AFF3: variants seen among roughly 807,000 people sequenced by gnomAD.
AFF3 encodes AF4/FMR2 family member 3.
A neutral mutation model predicts 129.7 loss-of-function variants in AFF3; 32 were observed. The ratio of observed to expected loss-of-function variants is 0.25; its 90% CI spans 0.19 to 0.33. AFF3 has a LOEUF of 0.33. AFF3 is among the 10% of genes least tolerant of loss of function. The pLI, the probability that AFF3 is intolerant of heterozygous loss-of-function variation, is 1.00. For missense variants in AFF3, 1,373 were observed against 1,592.0 expected (o/e 0.86, Z 2.34); for synonymous variants, 644 against 635.4 (o/e 1.01, Z -0.20).
chr2:99,953,570 T>C (rs1361579817), intron 7 of AFF3, among the ~76,000 whole-genome samples: 1 of 152,344 alleles, frequency 6.6e-6, no homozygotes, highest in South Asian at 2.1e-4. Flanking sequence ...GGATCGGTAA[T>C]AGCTATAACT....
At chr2:99,884,425 C>A (rs6753453) in intron 7 of AFF3, among the ~76,000 whole-genome samples, 72,338 of 151,984 alleles carry the variant, frequency 0.48, 17,618 homozygotes, top group African/African-American at 0.56. Context: ...TTGAGACAGA[C>A]TCTCACCCTG....
intron 8 of AFF3, among the ~76,000 whole-genome samples, chr2:99,766,711 T>C (rs376843552): frequency 5.3e-5 from 8 of 152,156 alleles, no homozygotes; most frequent in African/African-American, 7.2e-5. Flanking sequence ...TTGAAGAAAA[T>C]AGAGTTTTCT....
At chr2:99,591,039 C>G (rs559438953) in intron 15 of AFF3, among the ~76,000 whole-genome samples, 1 of 151,540 alleles carries the variant, frequency 6.6e-6, no homozygotes, top group Non-Finnish European at 1.5e-5. Context: ...GCATCCATAC[C>G]AAGGAAAAGC....
chr2:99,855,329 T>C (rs766062686), intron 7 of AFF3, among the ~76,000 whole-genome samples: 27 of 152,164 alleles, frequency 1.8e-4, no homozygotes, highest in Admixed American at 1.3e-4. Context: ...TTATGTCTTA[T>C]AAAGCTGTTA....
At chr2:99,710,786 G>A (rs1322952745) in intron 11 of AFF3, among the ~76,000 whole-genome samples, 2 of 152,074 alleles carry the variant, frequency 1.3e-5, no homozygotes, top group Non-Finnish European at 2.9e-5. Flanking sequence ...AATTCTCTGC[G>A]GTAGAACCTT....
chr2:99,622,768 C>T (rs570826256), intron 13 of AFF3, among the ~76,000 whole-genome samples: 2 of 152,348 alleles, frequency 1.3e-5, no homozygotes, highest in Non-Finnish European at 1.5e-5. Flanking sequence ...GCAGGCCTGC[C>T]GGGCTGCAGC....
intron 4 of AFF3, among the ~76,000 whole-genome samples, chr2:100,090,547 A>C (rs1329375720): frequency 6.6e-6 from 1 of 152,218 alleles, no homozygotes; most frequent in Non-Finnish European, 1.5e-5. Context: ...CTAGTCTAAA[A>C]TCTGTAATAG....
intron 8 of AFF3, among the ~76,000 whole-genome samples, chr2:99,817,613 C>T (rs554980919): frequency 6.6e-6 from 1 of 152,244 alleles, no homozygotes; most frequent in African/African-American, 2.4e-5. Context: ...CTTTGAACTC[C>T]TAGGTTCAAG....
chr2:99,993,283 C>T (rs1245689819), intron 7 of AFF3, among the ~76,000 whole-genome samples: 3 of 151,916 alleles, frequency 2.0e-5, no homozygotes, highest in Non-Finnish European at 4.4e-5. Context: ...TGAAAAATGC[C>T]GCCTTAAAAG....
chr2:99,973,804 T>C (rs565448396), intron 7 of AFF3, among the ~76,000 whole-genome samples: 2 of 152,282 alleles, frequency 1.3e-5, no homozygotes, highest in East Asian at 3.9e-4. Flanking sequence ...TGGGCCTGCT[T>C]GTTCGCTGTC....
intron 8 of AFF3, among the ~76,000 whole-genome samples, chr2:99,761,185 CTTTT>C (rs113789471): frequency 7.2e-6 from 1 of 138,316 alleles, no homozygotes; most frequent in African/African-American, 2.6e-5. Context: ...CAGGTGACTT[CTTTT>C]TTTTTTTTTT....
intron 7 of AFF3, among the ~76,000 whole-genome samples, chr2:99,915,113 CTCT>C (rs1487070761): frequency 6.6e-6 from 1 of 152,016 alleles, no homozygotes; most frequent in East Asian, 1.9e-4. Flanking sequence ...AATTCTTTGA[CTCT>C]TCTTATTATA....
intron 7 of AFF3, among the ~76,000 whole-genome samples, chr2:99,959,804 C>T (rs1677051724): frequency 6.6e-6 from 1 of 151,404 alleles, no homozygotes; most frequent in South Asian, 2.1e-4. Context: ...CCCGCTCTTG[C>T]TAAATCCATG....
At chr2:100,121,130 C>G (rs918107366) in intron 2 of AFF3, among the ~76,000 whole-genome samples, 2 of 152,198 alleles carry the variant, frequency 1.3e-5, no homozygotes, top group African/African-American at 4.8e-5. Context: ...AGCTGAAAAG[C>G]CTGATACCAC....
In AFF3 at chr2:100,037,770, T is replaced by C. The variant is rs1434399607; in HGVS notation, c.54-28838A>G. On this transcript the variant is annotated intron_variant, in intron 4 of 24. Coordinates refer to ENST00000672756, the MANE Select transcript of AFF3 (RefSeq NM_001386135.1). ...AATATATATTATTAAATATAATAAA[T>C]ATATTTATTTTTATATATTATATAA... Among the ~76,000 whole-genome samples the C allele has an allele frequency of 5.2e-5, 7 of 134,524 alleles. No individual in the cohort carries two copies. The East Asian group carries it at 1.2e-3, about 23-fold the overall frequency. 88.3% of individuals were successfully genotyped at this position (134,524 alleles called of 152,430 possible).
intron 7 of AFF3, among the ~76,000 whole-genome samples, chr2:99,843,811 T>C (rs1689500857): frequency 6.6e-6 from 1 of 152,190 alleles, no homozygotes; most frequent in Non-Finnish European, 1.5e-5. Context: ...AAAAATCCCA[T>C]CCATAATTTA....
chr2:99,621,881 G>A (rs35488108), intron 13 of AFF3, among the ~76,000 whole-genome samples: 24,357 of 152,078 alleles, frequency 0.16, 2,408 homozygotes, highest in South Asian at 0.25. Context: ...TTTGCAGGGC[G>A]AGTTGTGTGG....
At chr2:99,591,570 C>T (rs1384119747) in intron 15 of AFF3, among the ~76,000 whole-genome samples, 2 of 152,194 alleles carry the variant, frequency 1.3e-5, no homozygotes, top group African/African-American at 4.8e-5. Context: ...TGAGTGCCTT[C>T]TCCATGCGCA....
chr2:99,994,120 T>TA (rs1421662921), intron 7 of AFF3, among the ~76,000 whole-genome samples: 12 of 148,800 alleles, frequency 8.1e-5, no homozygotes, highest in South Asian at 2.1e-4. Context: ...TTAATCTTTT[T>TA]TAAAAAAAAA....
Sources: allele counts gnomAD v4.1 joint callset (sites outside exome capture counted in the v4.1 genomes callset), GRCh38; gene constraint gnomAD v4.1.1; transcripts MANE v1.5; gene names NCBI Gene and HGNC (gene_info 2026-07-23, HGNC 2026-07-21).